SYNE1: variants seen among roughly 807,000 people sequenced by gnomAD.
SYNE1 encodes nesprin-1.
In SYNE1, 616 loss-of-function variants were observed where a neutral mutation model predicts 1,111.0. The observed-to-expected ratio is 0.55, with a 90% CI of 0.52 to 0.59. The LOEUF is 0.59. SYNE1 is among the 20% of genes least tolerant of loss of function. SYNE1 has a pLI of 0.00. For missense variants in SYNE1, 10,006 were observed against 10,417.0 expected (o/e 0.96, Z 1.72); for synonymous variants, 3,855 against 3,825.8 (o/e 1.01, Z -0.28).
In SYNE1 at chr6:152,232,199, C is replaced by A; in HGVS notation, c.20779G>T (p.Glu6927Ter). The change falls in exon 113 of 146, where the codon GAA becomes TAA. Residue 6927 changes from glutamate to a stop codon, truncating the protein, a stop_gained. Transcript: ENST00000367255. LOFTEE classifies it high-confidence loss of function. The part of the protein sequence containing the change: ...SEVMSWISLM[E>*]NVIQKDEDNI... ...TCTTCATCCTTCTGAATAACATTTTCCATTAGAGAAATCCAACTCATGACT... is the reference window on the plus strand; with the variant it reads ...TCTTCATCCTTCTGAATAACATTTTACATTAGAGAAATCCAACTCATGACT... 1 of 1,613,570 alleles carries A rather than the reference C, an allele frequency of 6.2e-7. No homozygotes were observed. The highest frequency in any genetic ancestry group is 8.5e-7 in the Non-Finnish European group (1 of 1,179,590).
intron 133 of SYNE1, among the ~76,000 whole-genome samples, 165 bp from the exon 134 acceptor site, chr6:152,152,306 C>T (rs577606674): frequency 9.9e-5 from 15 of 152,214 alleles, no homozygotes; most frequent in Admixed American, 3.3e-4. Context: ...AATGCAAAGT[C>T]ATCTAGTCAG....
At chr6:152,429,660 C>T (rs567826208) in intron 36 of SYNE1, among the ~76,000 whole-genome samples, 40 of 152,222 alleles carry the variant, frequency 2.6e-4, no homozygotes, top group Non-Finnish European at 4.9e-4. Flanking sequence ...CTGTCTGTAG[C>T]CTTGCAGAAG....
intron 46 of SYNE1, 152 bp from the exon 47 acceptor site, chr6:152,401,493 A>C: frequency 2.7e-6 from 2 of 751,706 alleles, no homozygotes; most frequent in Admixed American, 4.3e-5. Flanking sequence ...TCCAAGAAGG[A>C]AAATCAGTGG....
intron 2 of SYNE1, among the ~76,000 whole-genome samples, chr6:152,629,171 A>T (rs924159392): frequency 1.3e-5 from 2 of 152,056 alleles, no homozygotes; most frequent in Non-Finnish European, 2.9e-5. Flanking sequence ...GGTGAAGCAG[A>T]GTGGACATTT....
intron 6 of SYNE1, among the ~76,000 whole-genome samples, chr6:152,514,406 C>T (rs1467030748): frequency 1.3e-5 from 2 of 152,138 alleles, no homozygotes; most frequent in Non-Finnish European, 2.9e-5. Context: ...CATGTTCTCA[C>T]TCATAAGTGG....
chr6:152,505,971 G>A (rs1003037948), intron 8 of SYNE1, among the ~76,000 whole-genome samples: 1 of 152,188 alleles, frequency 6.6e-6, no homozygotes, highest in African/African-American at 2.4e-5. Context: ...ATCTCAAAGT[G>A]TTCACAAAGG....
At chr6:152,242,793 C>T (rs1367839798) in intron 106 of SYNE1, among the ~76,000 whole-genome samples, 1 of 151,532 alleles carries the variant, frequency 6.6e-6, no homozygotes, top group Non-Finnish European at 1.5e-5. Context: ...CAATAAAGCA[C>T]AACGGAGAAA....
chr6:152,171,155 T>C (rs992262768), intron 130 of SYNE1, among the ~76,000 whole-genome samples: 6 of 152,246 alleles, frequency 3.9e-5, no homozygotes, highest in Non-Finnish European at 7.3e-5. Context: ...AATGGACTAA[T>C]ACAGTGGTAA....
chr6:152,466,662 T>G (rs565119493), intron 16 of SYNE1, among the ~76,000 whole-genome samples: 1 of 152,226 alleles, frequency 6.6e-6, no homozygotes, highest in East Asian at 1.9e-4. Context: ...TTGTAATTTA[T>G]ATATATAATA....
chr6:152,330,201 T>C lies in SYNE1; in HGVS notation c.14484A>G (p.Ser4828=), dbSNP rs1438584483. ...YHSLAGSLQD[S]GIVLKRVTIH... ...TGGTTACTCGTTTCAGTACAATCCC[T>C]GAGTCCTGGAGACTTCCTGCCAGGG... is the stretch of plus-strand genomic sequence containing the variant. Residue 4828 remains serine, a synonymous_variant, in exon 78 of 146, where the codon TCA becomes TCG. Transcript: ENST00000367255. The C allele has an allele frequency of 6.2e-7, 1 of 1,614,204 alleles. No individual in the cohort carries two copies. The highest frequency in any genetic ancestry group is 1.7e-5 in the Admixed American group (1 of 60,022).
intron 3 of SYNE1, among the ~76,000 whole-genome samples, chr6:152,604,048 C>T (rs1486367261): frequency 6.7e-6 from 1 of 149,440 alleles, no homozygotes; most frequent in African/African-American, 2.5e-5. Flanking sequence ...TATGTATGTT[C>T]ATATATGTAT....
chr6:152,239,402 C>A, intron 108 of SYNE1, 131 bp downstream of exon 108: 1 of 1,070,192 alleles, frequency 9.3e-7, no homozygotes, highest in Non-Finnish European at 1.4e-6. Flanking sequence ...AAAGTGCAGT[C>A]CTGAGCCCGA....
intron 56 of SYNE1, among the ~76,000 whole-genome samples, chr6:152,378,386 T>TC (rs1167313723): frequency 2.0e-5 from 3 of 152,096 alleles, no homozygotes; most frequent in Admixed American, 2.0e-4. Flanking sequence ...GGCACCACTG[T>TC]CCCCCGCTGA....
chr6:152,276,600 A>C (rs891011629), intron 98 of SYNE1, among the ~76,000 whole-genome samples: 5 of 152,130 alleles, frequency 3.3e-5, no homozygotes, highest in Non-Finnish European at 2.9e-5. Flanking sequence ...AGTTTCCGTT[A>C]ACAATATTTA....
chr6:152,140,207 T>G (rs1311546623), intron 139 of SYNE1, 46 bp from the exon 140 acceptor site: 1 of 1,591,728 alleles, frequency 6.3e-7, no homozygotes, highest in African/African-American at 1.3e-5. Flanking sequence ...CCTCTACATG[T>G]GATGTTTATG....
intron 89 of SYNE1, 58 bp downstream of exon 89, chr6:152,310,329 TTCCTTACTA>T (rs2095509551): frequency 1.2e-5 from 20 of 1,603,138 alleles, no homozygotes; most frequent in Non-Finnish European, 1.5e-5. Flanking sequence ...GGAGGCATTT[TTCCTTACTA>T]TCCTCTTTTA....
intron 11 of SYNE1, among the ~76,000 whole-genome samples, chr6:152,498,187 A>G (rs1346565345): frequency 6.6e-6 from 1 of 152,244 alleles, no homozygotes; most frequent in African/African-American, 2.4e-5. Context: ...TGGGACATGC[A>G]TTCAATAACT....
chr6:152,450,190 C>G (rs867644508), intron 27 of SYNE1, among the ~76,000 whole-genome samples: 1 of 152,186 alleles, frequency 6.6e-6, no homozygotes, highest in Non-Finnish European at 1.5e-5. Context: ...GCTTTTCCCC[C>G]TTTTGCTCTG....
At chr6:152,216,840 G>T (rs1020377770) in intron 121 of SYNE1, among the ~76,000 whole-genome samples, 3 of 152,136 alleles carry the variant, frequency 2.0e-5, no homozygotes, top group Non-Finnish European at 2.9e-5. Context: ...CGGATCACAA[G>T]GTCAGGAGTT....
Sources: allele counts gnomAD v4.1 joint callset (sites outside exome capture counted in the v4.1 genomes callset), GRCh38; gene constraint gnomAD v4.1.1; transcripts MANE v1.5; gene names NCBI Gene and HGNC (gene_info 2026-07-23, HGNC 2026-07-21).